The following GALNTL6 variants were observed in gnomAD, a reference collection of about 807,000 sequenced individuals.
GALNTL6 encodes the protein polypeptide N-acetylgalactosaminyltransferase-like 6.
In GALNTL6, 46 loss-of-function variants were observed where a neutral mutation model predicts 73.7. The ratio of observed to expected loss-of-function variants is 0.62; its 90% CI spans 0.49 to 0.80. The LOEUF is 0.80. Ranked by LOEUF, GALNTL6 falls within the 30% of genes least tolerant of loss-of-function variation. The probability of loss-of-function intolerance (pLI) is 0.00; values close to 1 mark genes in which losing one functional copy is unlikely to be tolerated. For synonymous variants in GALNTL6, 259 were observed against 263.7 expected (o/e 0.98, Z 0.17); for missense variants, 604 against 755.0 (o/e 0.80, Z 2.34).
intron 3 of GALNTL6, among the ~76,000 whole-genome samples, chr4:172,235,171 T>C (rs979206173): frequency 6.6e-6 from 1 of 152,172 alleles, no homozygotes; most frequent in Non-Finnish European, 1.5e-5. Context: ...TTTTTTTCTT[T>C]TTGCTTTCTT....
intron 4 of GALNTL6, among the ~76,000 whole-genome samples, chr4:172,342,882 G>A (rs1741619607): frequency 6.6e-6 from 1 of 152,132 alleles, no homozygotes; most frequent in African/African-American, 2.4e-5. Flanking sequence ...AGACAGCAAT[G>A]TGCCATTTTA....
At chr4:171,885,763 C>T (rs1443201906) in intron 2 of GALNTL6, among the ~76,000 whole-genome samples, 1 of 152,084 alleles carries the variant, frequency 6.6e-6, no homozygotes, top group Non-Finnish European at 1.5e-5. Flanking sequence ...CATGATTGCA[C>T]CACTACACTC....
At chr4:172,516,610 T>G (rs1196776300) in intron 5 of GALNTL6, among the ~76,000 whole-genome samples, 1 of 152,176 alleles carries the variant, frequency 6.6e-6, no homozygotes, top group African/African-American at 2.4e-5. Context: ...TGTATATAAT[T>G]ATATTTGTCA....
At chr4:172,110,855 T>C (rs907140390) in intron 2 of GALNTL6, among the ~76,000 whole-genome samples, 2 of 152,082 alleles carry the variant, frequency 1.3e-5, no homozygotes, top group African/African-American at 4.8e-5. Flanking sequence ...CTGCTGTTCA[T>C]TATGAAGCAA....
intron 4 of GALNTL6, among the ~76,000 whole-genome samples, chr4:172,340,333 G>T (rs994506557): frequency 6.6e-6 from 1 of 152,040 alleles, no homozygotes; most frequent in African/African-American, 2.4e-5. Flanking sequence ...TGCATCCCAG[G>T]GATAAGTCCA....
chr4:171,827,633 G>C (rs1213490892), intron 2 of GALNTL6, among the ~76,000 whole-genome samples: 1 of 152,104 alleles, frequency 6.6e-6, no homozygotes, highest in Non-Finnish European at 1.5e-5. Context: ...TGAAATTATA[G>C]AAGTCTGAAA....
intron 5 of GALNTL6, among the ~76,000 whole-genome samples, chr4:172,401,856 G>A (rs1426544961): frequency 6.8e-6 from 1 of 147,982 alleles, no homozygotes; most frequent in African/African-American, 2.5e-5. Flanking sequence ...ATATTCTTAA[G>A]CTGTTTACCA....
chr4:172,402,528 C>T (rs1013041550), intron 5 of GALNTL6, among the ~76,000 whole-genome samples: 4 of 152,016 alleles, frequency 2.6e-5, no homozygotes, highest in Non-Finnish European at 4.4e-5. Flanking sequence ...GAAAAGATTA[C>T]GTTTTTCTAA....
At chr4:172,839,247 C>A (rs1244227551) in intron 7 of GALNTL6, among the ~76,000 whole-genome samples, 2 of 152,260 alleles carry the variant, frequency 1.3e-5, no homozygotes, top group Non-Finnish European at 2.9e-5. Context: ...AGTTGTTATG[C>A]CTGATATTTC....
intron 2 of GALNTL6, among the ~76,000 whole-genome samples, chr4:171,988,097 T>C (rs946236772): frequency 1.3e-5 from 2 of 152,130 alleles, no homozygotes; most frequent in African/African-American, 4.8e-5. Flanking sequence ...TCTAAAACTA[T>C]TAAAGCAGCA....
chr4:172,301,689 G>A (rs1024471019), intron 3 of GALNTL6, among the ~76,000 whole-genome samples: 2 of 152,168 alleles, frequency 1.3e-5, no homozygotes, highest in Non-Finnish European at 2.9e-5. Flanking sequence ...AGCAGATATT[G>A]GTGAACAGCA....
At chr4:172,523,256 A>C (rs1267449354) in intron 5 of GALNTL6, among the ~76,000 whole-genome samples, 1 of 152,202 alleles carries the variant, frequency 6.6e-6, no homozygotes, top group Non-Finnish European at 1.5e-5. Context: ...CTGAGCAGAC[A>C]CTCAGACCTG....
At chr4:173,030,778 T>C (rs1409156527) in intron 12 of GALNTL6, among the ~76,000 whole-genome samples, 1 of 147,804 alleles carries the variant, frequency 6.8e-6, no homozygotes, top group Non-Finnish European at 1.5e-5. Flanking sequence ...CCAAGACAGA[T>C]CATTAGAGCC....
intron 6 of GALNTL6, among the ~76,000 whole-genome samples, chr4:172,810,256 GAAAGT>G (rs947380755): frequency 3.9e-5 from 6 of 152,144 alleles, no homozygotes; most frequent in African/African-American, 1.4e-4. Flanking sequence ...CGAAAGAACT[GAAAGT>G]AATTTAAGCT....
At chr4:172,974,666 C>G (rs2126416029) in intron 10 of GALNTL6, among the ~76,000 whole-genome samples, 1 of 152,316 alleles carries the variant, frequency 6.6e-6, no homozygotes, top group South Asian at 2.1e-4. Flanking sequence ...ACCCACTCAG[C>G]CTGGCAGTCT....
chr4:171,858,165 CAAATTCTGCATTGCAAAAA>C (rs977279211), intron 2 of GALNTL6, among the ~76,000 whole-genome samples: 3 of 152,046 alleles, frequency 2.0e-5, no homozygotes, highest in Non-Finnish European at 4.4e-5. Flanking sequence ...TTATGCTCTC[CAAATTCTGCATTGCAAAAA>C]GTTAGGTAAA....
At chr4:172,887,533 A>G (rs1448565624) in intron 8 of GALNTL6, among the ~76,000 whole-genome samples, 1 of 126,628 alleles carries the variant, frequency 7.9e-6, no homozygotes, top group African/African-American at 3.0e-5. Context: ...TTATATTTTA[A>G]CCTTTTATTT....
chr4:172,652,195 A>T (rs1370567776), intron 5 of GALNTL6, among the ~76,000 whole-genome samples: 1 of 152,228 alleles, frequency 6.6e-6, no homozygotes, highest in Non-Finnish European at 1.5e-5. Context: ...AGCCAGTGAC[A>T]TGCATTTTAC....
At chr4:172,669,289 A>T (rs1001370497) in intron 5 of GALNTL6, 1 of 152,196 alleles carries the variant, frequency 6.6e-6, no homozygotes, top group African/African-American at 2.4e-5. Context: ...GCTAACCTGC[A>T]TATTAATACT....
Sources: allele counts gnomAD v4.1 joint callset (sites outside exome capture counted in the v4.1 genomes callset), GRCh38; gene constraint gnomAD v4.1.1; transcripts MANE v1.5; gene names NCBI Gene and HGNC (gene_info 2026-07-23, HGNC 2026-07-21).